Variants in CTNND2 observed in about 807,000 individuals in gnomAD.
CTNND2 encodes the protein catenin delta-2.
Under a neutral mutation model 144.4 loss-of-function variants are expected in CTNND2, and 22 were observed. That is an observed-to-expected ratio of 0.15 (90% CI 0.11 to 0.22). CTNND2 has a LOEUF of 0.22. CTNND2 is among the 10% of genes least tolerant of loss of function. CTNND2 has a pLI of 1.00. For synonymous variants in CTNND2, 751 were observed against 695.6 expected, an observed-to-expected ratio of 1.08 and a Z score of -1.25; for missense variants, 1,353 against 1,618.8, an observed-to-expected ratio of 0.84 and a Z score of 2.82.
chr5:11,777,241 C>G (rs921880194), intron 1 of CTNND2, among the ~76,000 whole-genome samples: 1 of 152,180 alleles, frequency 6.6e-6, no homozygotes, highest in African/African-American at 2.4e-5. Flanking sequence ...AAATGAATCA[C>G]TTACTCCTCA....
chr5:10,985,550 A>C (rs943601023), intron 20 of CTNND2, among the ~76,000 whole-genome samples: 1 of 152,214 alleles, frequency 6.6e-6, no homozygotes, highest in African/African-American at 2.4e-5. Context: ...TCCAGCCCTC[A>C]TAGGCTGCAT....
chr5:11,802,445 T>C (rs973272502), intron 1 of CTNND2, among the ~76,000 whole-genome samples: 10 of 151,828 alleles, frequency 6.6e-5, no homozygotes, highest in African/African-American at 2.2e-4. Context: ...CGCATGCCTG[T>C]AATCCCAGCT....
At chr5:11,731,165 G>A (rs925440303) in intron 2 of CTNND2, among the ~76,000 whole-genome samples, 2 of 152,172 alleles carry the variant, frequency 1.3e-5, no homozygotes, top group African/African-American at 4.8e-5. Flanking sequence ...AACACTTCCT[G>A]ACCAGATGGC....
chr5:11,251,331 G>T (rs1395921725), intron 9 of CTNND2, among the ~76,000 whole-genome samples: 5 of 152,034 alleles, frequency 3.3e-5, no homozygotes, highest in African/African-American at 1.2e-4. Flanking sequence ...CCGTGCTTTG[G>T]GGCACTGCAC....
intron 17 of CTNND2, among the ~76,000 whole-genome samples, chr5:11,020,831 C>CCCTAACCCTAACCCT (rs1561183161): frequency 2.0e-5 from 3 of 152,096 alleles, no homozygotes; most frequent in African/African-American, 7.3e-5. Context: ...TCCAATTTAA[C>CCCTAACCCTAACCCT]ACTTCTTATT....
intron 1 of CTNND2, among the ~76,000 whole-genome samples, chr5:11,756,084 A>T (rs992788012): frequency 3.3e-5 from 5 of 151,610 alleles, no homozygotes; most frequent in Admixed American, 6.6e-5. Context: ...TCCTTCAAAA[A>T]GACTGCTTTT....
At chr5:11,483,240 A>AT (rs1361435394) in intron 3 of CTNND2, among the ~76,000 whole-genome samples, 2 of 152,118 alleles carry the variant, frequency 1.3e-5, no homozygotes, top group Non-Finnish European at 2.9e-5. Context: ...ATAATACCTG[A>AT]TTTTCACAGT....
At chr5:11,409,395 A>G (rs1418190069) in intron 5 of CTNND2, among the ~76,000 whole-genome samples, 3 of 152,114 alleles carry the variant, frequency 2.0e-5, no homozygotes, top group Non-Finnish European at 4.4e-5. Flanking sequence ...TGCAATAAAT[A>G]AAACCTTTAA....
At chr5:11,520,882 G>A (rs1243319626) in intron 3 of CTNND2, among the ~76,000 whole-genome samples, 1 of 152,170 alleles carries the variant, frequency 6.6e-6, no homozygotes, top group Non-Finnish European at 1.5e-5. Context: ...TCTGTTTAAG[G>A]AGAAATGCTA....
intron 1 of CTNND2, among the ~76,000 whole-genome samples, chr5:11,812,622 C>T (rs7717472): frequency 0.86 from 131,479 of 152,116 alleles, 59,017 homozygotes; most frequent in Non-Finnish European, 0.99. Context: ...CAAATACAAG[C>T]AAGTTGTTGG....
At chr5:11,368,779 G>C (rs187638720) in intron 7 of CTNND2, among the ~76,000 whole-genome samples, 1 of 152,290 alleles carries the variant, frequency 6.6e-6, no homozygotes, top group East Asian at 1.9e-4. Context: ...TCTCTAACCA[G>C]TTGGATAAAC....
chr5:11,864,312 A>G (rs1294497853), intron 1 of CTNND2, among the ~76,000 whole-genome samples: 1 of 152,210 alleles, frequency 6.6e-6, no homozygotes, highest in African/African-American at 2.4e-5. Context: ...TATTGCCAGT[A>G]TTTAGTAGAA....
At chr5:11,595,072 C>T (rs1779437489) in intron 2 of CTNND2, among the ~76,000 whole-genome samples, 1 of 152,194 alleles carries the variant, frequency 6.6e-6, no homozygotes, top group African/African-American at 2.4e-5. Flanking sequence ...AGCTCCAACA[C>T]AGATTCTTTT....
intron 7 of CTNND2, among the ~76,000 whole-genome samples, chr5:11,372,190 C>A (rs764514061): frequency 1.3e-5 from 2 of 152,154 alleles, no homozygotes; most frequent in Non-Finnish European, 2.9e-5. Flanking sequence ...CAAATACTTT[C>A]CAGCAAAAAT....
At chr5:11,242,547 C>T (rs906853154) in intron 9 of CTNND2, among the ~76,000 whole-genome samples, 2 of 152,158 alleles carry the variant, frequency 1.3e-5, no homozygotes, top group Non-Finnish European at 2.9e-5. Flanking sequence ...CCGTGGAAGG[C>T]GCTGCTGGCA....
At chr5:11,726,216 C>T (rs1234137581) in intron 2 of CTNND2, among the ~76,000 whole-genome samples, 3 of 151,896 alleles carry the variant, frequency 2.0e-5, no homozygotes, top group Admixed American at 6.6e-5. Context: ...CTAAGATCAA[C>T]AAAGGTAAAA....
chr5:11,397,095 G>A lies in CTNND2; in HGVS notation c.548C>T (p.Thr183Ile). 1.2e-6 allele frequency: 2 copies of A among 1,614,140 alleles called. No individual in the cohort carries two copies. Among genetic ancestry groups the A allele is most frequent in the Middle Eastern group, 1.7e-4 (1 of 6,038 alleles). The change falls in exon 6 of 22, where the codon ACC becomes ATC. Residue 183 changes from threonine to isoleucine, a missense_variant. By Grantham distance (89) the Thr-to-Ile change is moderately conservative. Transcript: ENST00000304623. ...TCGGGCCGGGAGCTGTGAAGGGGTGGTTTCCCCCAGGGCCAGGGTCTGGTT... is the reference window on the plus strand; with the variant it reads ...TCGGGCCGGGAGCTGTGAAGGGGTGATTTCCCCCAGGGCCAGGGTCTGGTT... ...HSNQTLALGE[T>I]TPSQLPARGT... is the part of the protein sequence containing the mutation.
chr5:10,996,795 C>T (rs2149507765), intron 18 of CTNND2, among the ~76,000 whole-genome samples: 1 of 152,174 alleles, frequency 6.6e-6, no homozygotes, highest in East Asian at 1.9e-4. Flanking sequence ...GACGGAGTTT[C>T]ACCATGTTGG....
chr5:11,547,625 A>G (rs1775363057), intron 3 of CTNND2, among the ~76,000 whole-genome samples: 1 of 152,232 alleles, frequency 6.6e-6, no homozygotes, highest in South Asian at 2.1e-4. Flanking sequence ...CATTTAATCG[A>G]AGAAAAGACA....
Sources: gnomAD v4.1 joint callset for allele counts (sites outside exome capture counted in the v4.1 genomes callset) on GRCh38, gnomAD v4.1.1 for gene constraint, MANE v1.5 for transcripts, NCBI Gene and HGNC (gene_info 2026-07-23, HGNC 2026-07-21) for gene names.